PXDNL: variants seen among roughly 807,000 people sequenced by gnomAD.
PXDNL encodes peroxidasin like.
PXDNL carries 145 observed loss-of-function variants against 150.8 expected under a neutral mutation model. The observed-to-expected ratio is 0.96, with a 90% CI of 0.84 to 1.10. The LOEUF is 1.10. Among genes scored for constraint, PXDNL ranks in the 50% least tolerant of loss-of-function variants. The probability of loss-of-function intolerance (pLI) is 0.00; values close to 1 mark genes in which losing one functional copy is unlikely to be tolerated. For synonymous variants in PXDNL, 757 were observed against 725.7 expected, an observed-to-expected ratio of 1.04 and a Z score of -0.69; for missense variants, 2,087 against 1,873.9, an observed-to-expected ratio of 1.11 and a Z score of -2.10.
chr8:51,719,934 C>T (rs1816695548), intron 1 of PXDNL, among the ~76,000 whole-genome samples: 1 of 151,978 alleles, frequency 6.6e-6, no homozygotes, highest in Non-Finnish European at 1.5e-5. Flanking sequence ...ATGTAGAAAG[C>T]ACCTGCCTAA....
intron 2 of PXDNL, among the ~76,000 whole-genome samples, chr8:51,616,738 A>G (rs746348507): frequency 2.0e-5 from 3 of 152,224 alleles, no homozygotes; most frequent in Admixed American, 6.5e-5. Context: ...AATGAGGCAC[A>G]TGGTGTGAAA....
chr8:51,712,365 C>T (rs1182124500), intron 1 of PXDNL, among the ~76,000 whole-genome samples: 1 of 152,184 alleles, frequency 6.6e-6, no homozygotes, highest in African/African-American at 2.4e-5. Flanking sequence ...ACTGGCTTTA[C>T]TCTACTTTCA....
intron 1 of PXDNL, among the ~76,000 whole-genome samples, chr8:51,728,363 G>T (rs554712433): frequency 2.6e-5 from 4 of 152,102 alleles, no homozygotes; most frequent in Admixed American, 2.0e-4. Flanking sequence ...TATTTTTTCA[G>T]AGTAAACTGT....
intron 1 of PXDNL, among the ~76,000 whole-genome samples, chr8:51,694,194 C>T (rs73580249): frequency 0.028 from 4,244 of 152,146 alleles, 202 homozygotes; most frequent in African/African-American, 0.096. Flanking sequence ...CCTGTTTCTG[C>T]TAAACAAAAT....
chr8:51,457,554 T>C lies in PXDNL; in HGVS notation c.926A>G (p.Asn309Ser). 6.2e-7 allele frequency: 1 copy of C among 1,613,756 alleles called. No individual in the cohort carries two copies. Among genetic ancestry groups the C allele is most frequent in the Non-Finnish European group, 8.5e-7 (1 of 1,179,830 alleles). ...DQGVYQCMAR[N>S]SAGEAKTQSA... is the part of the protein sequence containing the mutation. ...CTGTGTCTTGGCTTCCCCAGCGGAA[T>C]TTCTGGCCATGCACTGATAGACACC... Residue 309 changes from asparagine to serine, a missense_variant, in exon 9 of 23, where the codon AAT (asparagine) becomes AGT (serine). By Grantham distance (46) the Asn-to-Ser change is conservative. Transcript: ENST00000356297.
At chr8:51,520,894 A>C (rs1467833475) in intron 4 of PXDNL, among the ~76,000 whole-genome samples, 2 of 152,182 alleles carry the variant, frequency 1.3e-5, no homozygotes, top group Admixed American at 1.3e-4. Context: ...AACATGACCA[A>C]GATGTTGACA....
intron 3 of PXDNL, among the ~76,000 whole-genome samples, chr8:51,577,841 C>CTA (rs1813091583): frequency 6.7e-6 from 1 of 148,628 alleles, no homozygotes; most frequent in Non-Finnish European, 1.5e-5. Flanking sequence ...CTGCTCTTAC[C>CTA]ACTCCATTGG....
intron 17 of PXDNL, among the ~76,000 whole-genome samples, chr8:51,383,359 A>G (rs1348172272): frequency 1.3e-5 from 2 of 152,176 alleles, no homozygotes. Flanking sequence ...TGATAATCCA[A>G]TACAAAGCGG....
chr8:51,604,326 A>G (rs1384186566), intron 2 of PXDNL, among the ~76,000 whole-genome samples: 1 of 152,234 alleles, frequency 6.6e-6, no homozygotes, highest in Non-Finnish European at 1.5e-5. Context: ...GCCATAAAAA[A>G]TGATGAGTTC....
chr8:51,601,457 C>T (rs969266625), intron 2 of PXDNL, among the ~76,000 whole-genome samples: 2 of 151,986 alleles, frequency 1.3e-5, no homozygotes, highest in Non-Finnish European at 2.9e-5. Flanking sequence ...GAAGTGAACC[C>T]TTGGTCATTA....
At chr8:51,591,341 A>C (rs1162878412) in intron 3 of PXDNL, among the ~76,000 whole-genome samples, 1 of 152,208 alleles carries the variant, frequency 6.6e-6, no homozygotes, top group Non-Finnish European at 1.5e-5. Flanking sequence ...TGACTAAACT[A>C]AGAGGAAACT....
chr8:51,607,887 A>AGGAAGGAAGGAG (rs1430017701), intron 2 of PXDNL, among the ~76,000 whole-genome samples: 2 of 119,490 alleles, frequency 1.7e-5, no homozygotes, highest in African/African-American at 7.2e-5. Flanking sequence ...GAAGGAAGGA[A>AGGAAGGAAGGAG]GGAAGGAAGG....
chr8:51,631,005 TAAC>T (rs1274629979), intron 2 of PXDNL, among the ~76,000 whole-genome samples: 1 of 151,982 alleles, frequency 6.6e-6, no homozygotes, highest in Non-Finnish European at 1.5e-5. Context: ...GCACTATTCA[TAAC>T]AACGAAGACA....
At chr8:51,428,688 T>C (rs779462371) in intron 12 of PXDNL, among the ~76,000 whole-genome samples, 24 of 152,218 alleles carry the variant, frequency 1.6e-4, no homozygotes, top group Non-Finnish European at 2.2e-4. Context: ...CTAAGTCTCA[T>C]ACTTTATAAA....
At chr8:51,376,522 A>T (rs957548649) in intron 17 of PXDNL, among the ~76,000 whole-genome samples, 1 of 151,828 alleles carries the variant, frequency 6.6e-6, no homozygotes, top group Non-Finnish European at 1.5e-5. Context: ...TTTGATTTGC[A>T]TTTCTGTTTT....
chr8:51,738,562 C>T (rs1246135891), intron 1 of PXDNL, among the ~76,000 whole-genome samples: 1 of 149,970 alleles, frequency 6.7e-6, no homozygotes, highest in East Asian at 1.9e-4. Flanking sequence ...GAAACACACG[C>T]ACACACACAC....
intron 4 of PXDNL, among the ~76,000 whole-genome samples, chr8:51,509,785 C>T (rs1811372684): frequency 6.7e-6 from 1 of 149,888 alleles, no homozygotes; most frequent in East Asian, 2.0e-4. Context: ...AATATATACA[C>T]ACACACGTAT....
chr8:51,803,413 A>G (rs2037642071), intron 1 of PXDNL, among the ~76,000 whole-genome samples: 2 of 152,150 alleles, frequency 1.3e-5, no homozygotes, highest in African/African-American at 4.8e-5. Context: ...CATAAAAACA[A>G]ACAGACCAAC....
chr8:51,332,963 G>A (rs777565901), intron 21 of PXDNL, among the ~76,000 whole-genome samples: 27 of 152,152 alleles, frequency 1.8e-4, no homozygotes, highest in Non-Finnish European at 3.5e-4. Flanking sequence ...AGACCTAGAC[G>A]TGCAAATACA....
Sources: allele counts gnomAD v4.1 joint callset (sites outside exome capture counted in the v4.1 genomes callset), GRCh38; gene constraint gnomAD v4.1.1; transcripts MANE v1.5; gene names NCBI Gene and HGNC (gene_info 2026-07-23, HGNC 2026-07-21).